Variants in PBX1 observed in about 807,000 individuals in gnomAD.
PBX1 encodes the protein pre-B-cell leukemia transcription factor 1.
In PBX1, 6 loss-of-function variants were observed where a neutral mutation model predicts 53.4. That is an observed-to-expected ratio of 0.11 (90% CI 0.06 to 0.22). The LOEUF (loss-of-function observed/expected upper bound fraction) is 0.22. PBX1 is among the 10% of genes least tolerant of loss of function. PBX1 has a pLI of 1.00. For missense variants in PBX1, 251 were observed against 551.4 expected (o/e 0.46, Z 5.46); for synonymous variants, 204 against 212.3 (o/e 0.96, Z 0.34).
At chr1:164,745,193 T>C (rs1348131167) in intron 2 of PBX1, among the ~76,000 whole-genome samples, 2 of 152,066 alleles carry the variant, frequency 1.3e-5, no homozygotes, top group Admixed American at 1.3e-4. Flanking sequence ...GACTATATAG[T>C]GAAAAATAGA....
At chr1:164,687,958 A>C (rs12071107) in intron 2 of PBX1, among the ~76,000 whole-genome samples, 7,621 of 152,014 alleles carry the variant, frequency 0.05, 634 homozygotes, top group African/African-American at 0.17. Flanking sequence ...TGCAGTGGAG[A>C]CCTATTTGAG....
intron 8 of PBX1, among the ~76,000 whole-genome samples, chr1:164,825,629 A>G (rs1462253776): frequency 6.6e-6 from 1 of 152,140 alleles, no homozygotes; most frequent in Non-Finnish European, 1.5e-5. Context: ...AAGTTTTTCA[A>G]ACTTTCCGGC....
Position 164,849,476 on chromosome 1 carries a change from A to T in PBX1, c.*2800A>T. 1 of 1,532,102 alleles carries T rather than the reference A, an allele frequency of 6.5e-7. No homozygotes were observed. Among genetic ancestry groups the T allele is most frequent in the Non-Finnish European group, 8.7e-7 (1 of 1,144,202 alleles). 94.9% of individuals were successfully genotyped at this position (1,532,102 alleles called of 1,614,324 possible). On this transcript the variant is annotated 3_prime_UTR_variant, in exon 9 of 9. Coordinates refer to ENST00000420696, the MANE Select transcript of PBX1 (RefSeq NM_002585.4). Reference sequence around the variant, plus strand: ...GGGTTTGGAAAGAGCATGCCTCTGGAAACACAGCTTCCTGGGAATTCACAT... The same window carrying T: ...GGGTTTGGAAAGAGCATGCCTCTGGTAACACAGCTTCCTGGGAATTCACAT...
intron 2 of PBX1, chr1:164,770,561 G>GTTTCACCC (rs1667314019): frequency 6.6e-6 from 1 of 152,112 alleles, no homozygotes; most frequent in African/African-American, 2.4e-5. Context: ...TCCCCTTAAG[G>GTTTCACCC]ATCTTCTCCT....
intron 2 of PBX1, among the ~76,000 whole-genome samples, chr1:164,738,843 G>A (rs183158325): frequency 6.6e-6 from 1 of 152,222 alleles, no homozygotes; most frequent in East Asian, 1.9e-4. Flanking sequence ...ACTACTTTGC[G>A]AGGTTACATG....
intron 2 of PBX1, among the ~76,000 whole-genome samples, chr1:164,691,399 C>G (rs1419079623): frequency 6.6e-6 from 1 of 152,194 alleles, no homozygotes; most frequent in Non-Finnish European, 1.5e-5. Flanking sequence ...ACAAATCACA[C>G]TAGAGTACTG....
chr1:164,722,966 G>A (rs1270536628), intron 2 of PBX1, among the ~76,000 whole-genome samples: 1 of 152,148 alleles, frequency 6.6e-6, no homozygotes, highest in Non-Finnish European at 1.5e-5. Context: ...GTCATCAGAT[G>A]TATCTTAGGG....
At chr1:164,744,918 G>A (rs11581537) in intron 2 of PBX1, among the ~76,000 whole-genome samples, 39,601 of 151,944 alleles carry the variant, frequency 0.26, 5,461 homozygotes, top group South Asian at 0.48. Flanking sequence ...GAGGGATTGC[G>A]TCTTGGTTGA....
intron 2 of PBX1, among the ~76,000 whole-genome samples, chr1:164,675,773 A>G (rs1661399304): frequency 1.3e-5 from 2 of 151,886 alleles, no homozygotes; most frequent in South Asian, 4.2e-4. Context: ...GCTATATCCC[A>G]CCACACTGGC....
At chr1:164,770,337 G>A (rs1245083378) in intron 2 of PBX1, 2 of 152,118 alleles carry the variant, frequency 1.3e-5, no homozygotes, top group Non-Finnish European at 2.9e-5. Flanking sequence ...TTGAAAACTA[G>A]GGCTCTTTTC....
intron 8 of PBX1, among the ~76,000 whole-genome samples, chr1:164,827,513 T>TA (rs1207167167): frequency 6.6e-6 from 1 of 152,098 alleles, no homozygotes; most frequent in African/African-American, 2.4e-5. Context: ...GCAGCAGAGA[T>TA]AGAGTAGATA....
At chr1:164,626,832 G>T (rs1406738345) in intron 2 of PBX1, among the ~76,000 whole-genome samples, 1 of 152,100 alleles carries the variant, frequency 6.6e-6, no homozygotes, top group African/African-American at 2.4e-5. Context: ...ATGCCTGCAG[G>T]TTCCCCCTCT....
At chr1:164,828,640 T>TA (rs1670592173) in intron 8 of PBX1, 1 of 152,124 alleles carries the variant, frequency 6.6e-6, no homozygotes, top group South Asian at 2.1e-4. Flanking sequence ...TCCCTCCTTC[T>TA]GCTCTGTGGA....
At position 164,575,315 on chromosome 1, in the gene PBX1, G is replaced by C. The variant is rs372722155; in HGVS notation, c.265+12004G>C. On this transcript the variant is annotated intron_variant, in intron 2 of 8. Coordinates refer to ENST00000420696, the MANE Select transcript of PBX1 (RefSeq NM_002585.4). Reference sequence around the variant, plus strand: ...TCTGTTTCCCACCTGTCAGTGGGGCGTTTGCAAACTTACAGTGAGGATATT... The same window carrying C: ...TCTGTTTCCCACCTGTCAGTGGGGCCTTTGCAAACTTACAGTGAGGATATT... Among the ~76,000 whole-genome samples, 38 of 152,322 alleles carry C rather than the reference G, an allele frequency of 2.5e-4. No homozygotes were observed. The South Asian group carries it at 7.5e-3, about 30-fold the overall frequency.
chr1:164,695,575 C>T (rs1662757890), intron 2 of PBX1, among the ~76,000 whole-genome samples: 1 of 152,158 alleles, frequency 6.6e-6, no homozygotes, highest in African/African-American at 2.4e-5. Flanking sequence ...CCTTTGTATC[C>T]ACTTTGCCTT....
intron 2 of PBX1, among the ~76,000 whole-genome samples, chr1:164,652,837 A>T (rs1001220818): frequency 6.9e-6 from 1 of 144,390 alleles, no homozygotes; most frequent in Non-Finnish European, 1.5e-5. Flanking sequence ...TACCACCCGC[A>T]CCCCCACCGC....
intron 2 of PBX1, among the ~76,000 whole-genome samples, chr1:164,610,805 T>C (rs1026455594): frequency 2.0e-5 from 3 of 152,212 alleles, no homozygotes; most frequent in Non-Finnish European, 2.9e-5. Flanking sequence ...TACATTTGCA[T>C]GCTCCCCTCT....
chr1:164,613,913 C>G (rs1657102419), intron 2 of PBX1, among the ~76,000 whole-genome samples: 1 of 151,948 alleles, frequency 6.6e-6, no homozygotes, highest in East Asian at 1.9e-4. Flanking sequence ...CAGTGGAGAT[C>G]CCAGTATGCA....
chr1:164,806,949 A>G (rs1669384246), intron 4 of PBX1, among the ~76,000 whole-genome samples: 1 of 152,164 alleles, frequency 6.6e-6, no homozygotes, highest in Admixed American at 6.5e-5. Context: ...CTGATATTCA[A>G]TTGACCGAGG....
Sources: gnomAD v4.1 joint callset for allele counts (sites outside exome capture counted in the v4.1 genomes callset) on GRCh38, gnomAD v4.1.1 for gene constraint, MANE v1.5 for transcripts, NCBI Gene and HGNC (gene_info 2026-07-23, HGNC 2026-07-21) for gene names.